Variants in SCPEP1 observed in about 807,000 individuals in gnomAD.
The protein encoded by SCPEP1 is serine carboxypeptidase 1.
A neutral mutation model predicts 63.8 loss-of-function variants in SCPEP1; 51 were observed. The ratio of observed to expected loss-of-function variants is 0.80; its 90% CI spans 0.64 to 1.01. The LOEUF (loss-of-function observed/expected upper bound fraction) is 1.01, where lower values mean the gene tolerates loss of function less well. SCPEP1 is among the 50% of genes least tolerant of loss of function. SCPEP1 has a pLI of 0.00. For synonymous variants in SCPEP1, 204 were observed against 207.8 expected (o/e 0.98, Z 0.16); for missense variants, 499 against 554.9 (o/e 0.90, Z 1.01).
chr17:56,980,110 G>T (rs529174516), intron 1 of SCPEP1, among the ~76,000 whole-genome samples: 42 of 152,006 alleles, frequency 2.8e-4, no homozygotes, highest in African/African-American at 4.6e-4. Flanking sequence ...TGTTTGTTTG[G>T]TTGGTTGGTT....
intron 5 of SCPEP1, among the ~76,000 whole-genome samples, chr17:56,989,337 T>C (rs1911316118): frequency 6.6e-6 from 1 of 152,206 alleles, no homozygotes; most frequent in South Asian, 2.1e-4. Context: ...TTTGTAAATA[T>C]TTAAAAGACT....
chr17:56,990,957 G>A, intron 5 of SCPEP1, 142 bp from the exon 6 acceptor site: 3 of 722,062 alleles, frequency 4.2e-6, no homozygotes, highest in Non-Finnish European at 7.6e-6. Flanking sequence ...TTTTTGTAGA[G>A]ATGGGGGTCT....
intron 12 of SCPEP1, among the ~76,000 whole-genome samples, chr17:57,002,893 A>G (rs1288698593): frequency 6.8e-6 from 1 of 148,040 alleles, no homozygotes; most frequent in East Asian, 2.0e-4. Flanking sequence ...AAAAAAAAAG[A>G]AAAATTAAAA....
intron 2 of SCPEP1, chr17:56,984,240 C>G (rs932920315): frequency 1.3e-5 from 2 of 152,476 alleles, no homozygotes; most frequent in African/African-American, 2.4e-5. Context: ...TTTCATATCT[C>G]CCTTTCCTAC....
intron 12 of SCPEP1, among the ~76,000 whole-genome samples, chr17:57,002,874 CAAAAAAA>C (rs59205865): frequency 2.8e-5 from 3 of 107,120 alleles, no homozygotes; most frequent in Non-Finnish European, 3.8e-5. Flanking sequence ...GACCCTGTCT[CAAAAAAA>C]AAAAAAAAAA....
intron 12 of SCPEP1, among the ~76,000 whole-genome samples, chr17:57,003,488 G>A (rs1597924192): frequency 6.6e-6 from 1 of 152,166 alleles, no homozygotes; most frequent in East Asian, 1.9e-4. Context: ...TAATCATTTG[G>A]GGTAGAAAAG....
chr17:56,987,759 G>A lies in SCPEP1; in HGVS notation c.380G>A (p.Gly127Asp). Residue 127 changes from glycine to aspartate, a missense_variant, in exon 4 of 13, where the codon GGT (glycine) becomes GAT (aspartate). Physicochemically the swap from Gly to Asp is moderately conservative, Grantham distance 94. Transcript: ENST00000262288. The stretch of plus-strand genomic sequence containing the variant: ...GGCACTGGGTTCAGTTATGTGAATG[G>A]TAGTGGTGCCTATGCCAAGGACCTG... The part of the protein sequence containing the change: ...PVGTGFSYVN[G>D]SGAYAKDLAM... The A allele has an allele frequency of 6.2e-7, 1 of 1,614,114 alleles. No homozygotes were observed. The highest frequency in any genetic ancestry group is 1.7e-5 in the Admixed American group (1 of 60,006).
intron 12 of SCPEP1, among the ~76,000 whole-genome samples, chr17:57,003,354 A>G (rs1035097187): frequency 6.6e-6 from 1 of 152,186 alleles, no homozygotes; most frequent in African/African-American, 2.4e-5. Context: ...CCATTCTAGC[A>G]GTAGAGGGCA....
chr17:56,988,929 A>G (rs1567865675), intron 5 of SCPEP1, among the ~76,000 whole-genome samples: 1 of 152,168 alleles, frequency 6.6e-6, no homozygotes, highest in African/African-American at 2.4e-5. Context: ...GCCCACGCCT[A>G]TAATCCCAGC....
At chr17:56,995,713 A>G (rs1440592163) in intron 8 of SCPEP1, 78 bp downstream of exon 8, 2 of 1,485,752 alleles carry the variant, frequency 1.3e-6, no homozygotes, top group African/African-American at 1.4e-5. Context: ...GGTGTTGTCA[A>G]ACTTGGAGTC....
chr17:56,995,829 C>CA (rs1217160926), intron 8 of SCPEP1, 194 bp downstream of exon 8: 1 of 399,460 alleles, frequency 2.5e-6, no homozygotes, highest in East Asian at 4.0e-5. Context: ...GAAAGCCACC[C>CA]AGGCCTGCAA....
At chr17:56,997,337 C>A (rs1781892807) in intron 9 of SCPEP1, among the ~76,000 whole-genome samples, 3 of 152,136 alleles carry the variant, frequency 2.0e-5, no homozygotes, top group African/African-American at 7.2e-5. Context: ...TTCTGTCTCT[C>A]TAGATTTTCC....
chr17:57,002,315 C>G, intron 12 of SCPEP1, 134 bp downstream of exon 12: 1 of 807,726 alleles, frequency 1.2e-6, no homozygotes, highest in South Asian at 1.8e-5. Flanking sequence ...TACAGTGGCT[C>G]ATGCCTGTAA....
Position 57,003,743 on chromosome 17 carries a change from G to A in SCPEP1, c.1296+1562G>A, listed in dbSNP as rs141565005. On this transcript the variant is annotated intron_variant, in intron 12 of 12. Transcript: ENST00000262288. The stretch of plus-strand genomic sequence containing the variant: ...GAAGGGCTGAAACGTGAGTGATGAT[G>A]TGCTTACACCGATGTCCTTGGCACC... Among the ~76,000 whole-genome samples, 10 of 152,302 alleles carry A rather than the reference G, an allele frequency of 6.6e-5. No homozygotes were observed. The East Asian group carries it at 1.9e-3, about 29-fold the overall frequency.
At chr17:56,989,804 G>A (rs1280490242) in intron 5 of SCPEP1, among the ~76,000 whole-genome samples, 3 of 152,112 alleles carry the variant, frequency 2.0e-5, no homozygotes, top group Non-Finnish European at 4.4e-5. Context: ...AAAATTAGCT[G>A]GGCATGGTAG....
chr17:56,996,513 C>G (rs139953541), intron 8 of SCPEP1, among the ~76,000 whole-genome samples: 1,821 of 148,150 alleles, frequency 0.012, 38 homozygotes, highest in African/African-American at 0.041. Flanking sequence ...CCTCTTTTTC[C>G]TTTCTTTCTT....
At chr17:56,988,396 T>A in intron 5 of SCPEP1, 106 bp downstream of exon 5, 1 of 770,422 alleles carries the variant, frequency 1.3e-6, no homozygotes, top group Non-Finnish European at 2.1e-6. Context: ...GCCATGTACA[T>A]GCAGAGTACG....
In SCPEP1 at chr17:56,995,027, A is replaced by G. The variant is rs1211201025; in HGVS notation, c.657+9A>G. On this transcript the variant is annotated intron_variant, in intron 7 of 12. Transcript: ENST00000262288. Reference sequence around the variant, plus strand: ...CTTACCTGTACAGCATGGTAAGTAGATACACATCTGCACCCTCTGGGCAAA... The same window carrying G: ...CTTACCTGTACAGCATGGTAAGTAGGTACACATCTGCACCCTCTGGGCAAA... The G allele has an allele frequency of 1.2e-6, 2 of 1,611,648 alleles. No individual in the cohort carries two copies. Among genetic ancestry groups the G allele is most frequent in the East Asian group, 4.5e-5 (2 of 44,874 alleles).
In SCPEP1 at chr17:56,978,193, C is replaced by T; in HGVS notation, c.34C>T (p.Arg12Trp). 4 of 1,567,570 alleles carry T rather than the reference C, an allele frequency of 2.6e-6. No homozygotes were observed. Among genetic ancestry groups the T allele is most frequent in the Non-Finnish European group, 2.6e-6 (3 of 1,161,830 alleles). ...GGCACTGCGGCGCTCTCCCGTCCCG[C>T]GGTGGTTGCTGCTGCTGCCGCTGCT... is the stretch of plus-strand genomic sequence containing the variant. Reference protein sequence around the residue: ...ELALRRSPVPRWLLLLPLLLG... With the variant: ...ELALRRSPVPWWLLLLPLLLG... Residue 12 changes from arginine to tryptophan, a missense_variant, in exon 1 of 13, where the codon CGG becomes TGG. By Grantham distance (101) the Arg-to-Trp change is moderately radical. Coordinates refer to ENST00000262288, the MANE Select transcript of SCPEP1 (RefSeq NM_021626.3).
Sources: gnomAD v4.1 joint callset for allele counts (sites outside exome capture counted in the v4.1 genomes callset) on GRCh38, gnomAD v4.1.1 for gene constraint, MANE v1.5 for transcripts, NCBI Gene and HGNC (gene_info 2026-07-23, HGNC 2026-07-21) for gene names.